The following GUCY1A1 variants were observed in gnomAD, a reference collection of about 807,000 sequenced individuals.
GUCY1A1 encodes guanylate cyclase soluble subunit alpha-1.
In GUCY1A1, 48 loss-of-function variants were observed where a neutral mutation model predicts 64.5. That is an observed-to-expected ratio of 0.74 (90% CI 0.59 to 0.95). GUCY1A1 has a LOEUF of 0.95. Among genes scored for constraint, GUCY1A1 ranks in the 40% least tolerant of loss-of-function variants. The pLI, the probability that GUCY1A1 is intolerant of heterozygous loss-of-function variation, is 0.00. For synonymous variants in GUCY1A1, 308 were observed against 303.4 expected (o/e 1.02, Z -0.16); for missense variants, 804 against 825.3 (o/e 0.97, Z 0.32).
intron 2 of GUCY1A1, chr4:155,668,023 G>A (rs1344134338): frequency 6.6e-6 from 1 of 152,282 alleles, no homozygotes; most frequent in Non-Finnish European, 1.5e-5. Flanking sequence ...GCTCCACGAG[G>A]TGTGCGCGTG....
At chr4:155,713,713 A>G (rs934009250) in intron 7 of GUCY1A1, 130 bp downstream of exon 7, 46 of 907,738 alleles carry the variant, frequency 5.1e-5, no homozygotes, top group Non-Finnish European at 7.5e-5. Context: ...CAGTCCTGGG[A>G]GCAGGTATGG....
chr4:155,669,253 T>A (rs532935354), intron 2 of GUCY1A1, among the ~76,000 whole-genome samples: 2 of 152,216 alleles, frequency 1.3e-5, no homozygotes, highest in African/African-American at 4.8e-5. Flanking sequence ...ATTTATAAGG[T>A]ATATTTATAC....
At chr4:155,700,923 A>T (rs1730998775) in intron 3 of GUCY1A1, among the ~76,000 whole-genome samples, 1 of 152,228 alleles carries the variant, frequency 6.6e-6, no homozygotes. Flanking sequence ...CCAAAAATTA[A>T]TATATAGAAT....
chr4:155,715,783 G>T (rs949645486), intron 7 of GUCY1A1, among the ~76,000 whole-genome samples: 2 of 152,150 alleles, frequency 1.3e-5, no homozygotes, highest in Admixed American at 1.3e-4. Context: ...CTGGGCACAG[G>T]TAATGTAGGA....
At chr4:155,704,249 C>T (rs780993305) in intron 4 of GUCY1A1, among the ~76,000 whole-genome samples, 30 of 152,130 alleles carry the variant, frequency 2.0e-4, no homozygotes, top group African/African-American at 7.0e-4. Context: ...AGCTGGGGTT[C>T]GAGCCTGGGT....
chr4:155,706,522 C>CT (rs755000140), intron 4 of GUCY1A1, among the ~76,000 whole-genome samples: 4,900 of 145,342 alleles, frequency 0.034, 233 homozygotes, highest in African/African-American at 0.11. Flanking sequence ...CCCCCCTCCT[C>CT]TTTTTTTTTT....
chr4:155,672,175 A>T (rs1734239696), intron 2 of GUCY1A1, among the ~76,000 whole-genome samples: 1 of 152,094 alleles, frequency 6.6e-6, no homozygotes. Flanking sequence ...CATTACCTTT[A>T]GTTAGCCTGT....
chr4:155,719,681 TC>T (rs1194579576), intron 8 of GUCY1A1, among the ~76,000 whole-genome samples: 1 of 152,176 alleles, frequency 6.6e-6, no homozygotes, highest in Non-Finnish European at 1.5e-5. Context: ...CTAACATCCA[TC>T]CAGTCAGGCT....
At chr4:155,688,411 A>G (rs2126671302) in intron 2 of GUCY1A1, among the ~76,000 whole-genome samples, 1 of 152,294 alleles carries the variant, frequency 6.6e-6, no homozygotes. Context: ...AGAAATTATG[A>G]TGTCATGTAA....
At chr4:155,667,915 C>G (rs891332984) in intron 2 of GUCY1A1, 1 of 152,400 alleles carries the variant, frequency 6.6e-6, no homozygotes, top group Non-Finnish European at 1.5e-5. Context: ...CAACTTCACC[C>G]GGCCGGCTGC....
chr4:155,705,740 T>C (rs1323453353), intron 4 of GUCY1A1, among the ~76,000 whole-genome samples: 1 of 152,188 alleles, frequency 6.6e-6, no homozygotes. Context: ...GATCATCTGC[T>C]CTGTGGATCA....
At chr4:155,723,636 ATT>A (rs1734267062) in intron 9 of GUCY1A1, among the ~76,000 whole-genome samples, 2 of 34,770 alleles carry the variant, frequency 5.8e-5, no homozygotes, top group African/African-American at 1.7e-4. Flanking sequence ...GCATTTATTT[ATT>A]TATTTATTTA....
In GUCY1A1 at chr4:155,733,666, AG is replaced by A. The variant is rs1327209540; in HGVS notation, c.*3436del. 3.3e-5 allele frequency among the ~76,000 whole-genome samples: 5 copies of A among 151,324 alleles called. No homozygotes were observed. The highest frequency in any genetic ancestry group is 5.9e-5 in the Non-Finnish European group (4 of 67,768). On this transcript the variant is annotated 3_prime_UTR_variant, in exon 10 of 10. Coordinates refer to ENST00000506455, the MANE Select transcript of GUCY1A1 (RefSeq NM_001130682.3). Reference sequence around the variant, plus strand: ...ACTTGTTCAAAATAGATTTTACAAAAGAAAAAAAAAAAAGAAGCAACATGAG... The same window carrying A: ...ACTTGTTCAAAATAGATTTTACAAAAAAAAAAAAAAAAGAAGCAACATGAG...
chr4:155,675,548 AT>A (rs1734790338), intron 2 of GUCY1A1, among the ~76,000 whole-genome samples: 1 of 151,624 alleles, frequency 6.6e-6, no homozygotes, highest in African/African-American at 2.4e-5. Flanking sequence ...GTTTTAAAAT[AT>A]TTGTAGTCAC....
chr4:155,701,802 CA>C (rs34761852), intron 3 of GUCY1A1, among the ~76,000 whole-genome samples: 4,512 of 99,558 alleles, frequency 0.045, 173 homozygotes, highest in African/African-American at 0.15. Context: ...ACTCTATATC[CA>C]AAAAAAAAAA....
At chr4:155,713,074 A>G in intron 6 of GUCY1A1, 24 bp from the exon 7 acceptor site, 2 of 1,571,042 alleles carry the variant, frequency 1.3e-6, no homozygotes, top group Non-Finnish European at 1.7e-6. Flanking sequence ...AATAAACCAC[A>G]ATTGGTTATC....
At chr4:155,672,502 C>T (rs1378284287) in intron 2 of GUCY1A1, among the ~76,000 whole-genome samples, 1 of 152,156 alleles carries the variant, frequency 6.6e-6, no homozygotes, top group African/African-American at 2.4e-5. Flanking sequence ...CAGACTTGGT[C>T]AAATTCCTCC....
intron 5 of GUCY1A1, among the ~76,000 whole-genome samples, chr4:155,709,912 G>A (rs1732328750): frequency 6.6e-6 from 1 of 152,040 alleles, no homozygotes; most frequent in African/African-American, 2.4e-5. Flanking sequence ...ATTAATAAAA[G>A]CCTAACATTG....
chr4:155,683,765 G>T (rs572139796), intron 2 of GUCY1A1, among the ~76,000 whole-genome samples: 7 of 152,306 alleles, frequency 4.6e-5, no homozygotes, highest in African/African-American at 1.7e-4. Context: ...GTAATCTTCT[G>T]ATTGGTCTGA....
Sources: allele counts gnomAD v4.1 joint callset (sites outside exome capture counted in the v4.1 genomes callset), GRCh38; gene constraint gnomAD v4.1.1; transcripts MANE v1.5; gene names NCBI Gene and HGNC (gene_info 2026-07-23, HGNC 2026-07-21).